The following TECPR2 variants were observed in gnomAD, a reference collection of about 807,000 sequenced individuals.
The protein encoded by TECPR2 is tectonin beta-propeller repeat-containing protein 2.
Under a neutral mutation model 138.1 loss-of-function variants are expected in TECPR2, and 65 were observed. The observed-to-expected ratio is 0.47, with a 90% CI of 0.39 to 0.58. The LOEUF (loss-of-function observed/expected upper bound fraction) is 0.58. Among genes scored for constraint, TECPR2 ranks in the 20% least tolerant of loss-of-function variants. TECPR2 has a pLI of 0.00. For missense variants in TECPR2, 1,553 were observed against 1,824.5 expected, an observed-to-expected ratio of 0.85 and a Z score of 2.71; for synonymous variants, 746 against 749.8, an observed-to-expected ratio of 0.99 and a Z score of 0.08.
At chr14:102,455,921 C>G (rs1890267547) in intron 16 of TECPR2, among the ~76,000 whole-genome samples, 1 of 152,048 alleles carries the variant, frequency 6.6e-6, no homozygotes, top group South Asian at 2.1e-4. Flanking sequence ...TCCCTGCTAA[C>G]TTTTGTATTT....
intron 2 of TECPR2, among the ~76,000 whole-genome samples, chr14:102,404,345 C>T (rs1888589763): frequency 6.6e-6 from 1 of 152,076 alleles, no homozygotes; most frequent in African/African-American, 2.4e-5. Flanking sequence ...CATATGGGAT[C>T]TCAGGAGAAC....
At chr14:102,432,184 T>G in intron 8 of TECPR2, 56 bp downstream of exon 8, 1 of 1,423,160 alleles carries the variant, frequency 7.0e-7, no homozygotes, top group Non-Finnish European at 9.2e-7. Flanking sequence ...CCAGATTCTC[T>G]GGGAGTGCTG....
Position 102,428,296 on chromosome 14 carries a change from C to T in TECPR2, c.998C>T (p.Ser333Leu), listed in dbSNP as rs1374799971. ...LEGSGDIVSV[S>L]CTENEIFFLK... is the part of the protein sequence containing the mutation. Reference sequence around the variant, plus strand: ...GGATCCGGTGATATTGTGTCTGTTTCGTGCACAGAAAATGAAATATTTTTC... The same window carrying T: ...GGATCCGGTGATATTGTGTCTGTTTTGTGCACAGAAAATGAAATATTTTTC... The change falls in exon 7 of 20, where the codon TCG becomes TTG. Residue 333 changes from serine (S) to leucine (L), a missense_variant. By Grantham distance (145) the Ser-to-Leu change is moderately radical. Coordinates refer to ENST00000359520, the MANE Select transcript of TECPR2 (RefSeq NM_014844.5). 2 of 1,537,564 alleles carry T rather than the reference C, an allele frequency of 1.3e-6. No homozygotes were observed. Among genetic ancestry groups the T allele is most frequent in the Middle Eastern group, 1.8e-4 (1 of 5,552 alleles).
In TECPR2 at chr14:102,408,706, GT is replaced by G; in HGVS notation, c.480+88del. 3.0e-6 allele frequency: 4 copies of G among 1,353,356 alleles called. No individual in the cohort carries two copies. In the South Asian group the frequency reaches 6.0e-5, roughly 20 times the overall value. The allele number at this position is 1,353,356 out of a possible 1,614,324, so 83.8% of individuals were successfully genotyped here. On this transcript the variant is annotated intron_variant, in intron 4 of 19. Transcript: ENST00000359520. ...TATAACTTGTATTTTTAGTCAACTT[GT>G]ATTCTTGATCATCATCCCTTTATAA...
chr14:102,452,769 G>A (rs1890180165), intron 16 of TECPR2, 142 bp downstream of exon 16: 1 of 672,190 alleles, frequency 1.5e-6, no homozygotes, highest in Admixed American at 2.6e-5. Context: ...TGAATTTCAG[G>A]AGCTCAGTTG....
At position 102,452,481 on chromosome 14, in the gene TECPR2, T is replaced by C; in HGVS notation, c.3494T>C (p.Leu1165Pro). Reference sequence around the variant, plus strand: ...CAGTCGCGGCCCTCCACGGTGCAGCTGCCTCCCGAAGCCGAGATGCGCGCC... The same window carrying C: ...CAGTCGCGGCCCTCCACGGTGCAGCCGCCTCCCGAAGCCGAGATGCGCGCC... ...SAQSRPSTVQ[L>P]PPEAEMRAYA... The change falls in exon 16 of 20, where the codon CTG becomes CCG. Residue 1165 changes from leucine to proline, a missense_variant. Physicochemically the swap from Leu to Pro is moderately conservative, Grantham distance 98. Coordinates refer to ENST00000359520, the MANE Select transcript of TECPR2 (RefSeq NM_014844.5). 2 of 1,613,584 alleles carry C rather than the reference T, an allele frequency of 1.2e-6. No homozygotes were observed.
intron 17 of TECPR2, among the ~76,000 whole-genome samples, chr14:102,490,788 G>A (rs771792104): frequency 3.3e-5 from 5 of 152,190 alleles, no homozygotes; most frequent in African/African-American, 7.2e-5. Flanking sequence ...ACCAGCGTCC[G>A]GAACGGGGTT....
chr14:102,489,770 CCT>C (rs1212527788), intron 17 of TECPR2, among the ~76,000 whole-genome samples: 2 of 151,886 alleles, frequency 1.3e-5, no homozygotes, highest in East Asian at 3.9e-4. Flanking sequence ...TCTGACAGCC[CCT>C]GAGTGTGTCT....
intron 2 of TECPR2, among the ~76,000 whole-genome samples, chr14:102,394,692 A>T (rs1205046802): frequency 1.3e-5 from 2 of 152,186 alleles, no homozygotes. Context: ...TCCCTTATAG[A>T]AAGCTGTTTG....
chr14:102,400,209 C>A (rs1888439091), intron 2 of TECPR2, among the ~76,000 whole-genome samples: 1 of 151,986 alleles, frequency 6.6e-6, no homozygotes, highest in Non-Finnish European at 1.5e-5. Flanking sequence ...CCACACCCAG[C>A]TAATTTTTGT....
At position 102,382,616 on chromosome 14, in the gene TECPR2, A is replaced by G. The variant is rs1597772233; in HGVS notation, c.219+5676A>G. Among the ~76,000 whole-genome samples the G allele has an allele frequency of 3.3e-5, 5 of 152,364 alleles. No homozygotes were observed. The East Asian group carries it at 9.6e-4, about 29-fold the overall frequency. ...CTGAATATACATTCTTTGCAAGTGC[A>G]CATGGAACATTCATCAATATAGACC... On this transcript the variant is annotated intron_variant, in intron 2 of 19. Coordinates refer to ENST00000359520, the MANE Select transcript of TECPR2 (RefSeq NM_014844.5).
In TECPR2 at chr14:102,434,773, C is replaced by T. The variant is rs763758324; in HGVS notation, c.1956C>T (p.Ser652=). 1.9e-6 allele frequency: 3 copies of T among 1,613,316 alleles called. No homozygotes were observed. Among genetic ancestry groups the T allele is most frequent in the East Asian group, 2.2e-5 (1 of 44,888 alleles). The change falls in exon 9 of 20, where the codon TCC becomes TCT. Residue 652 remains serine (S), a synonymous_variant. Coordinates refer to ENST00000359520, the MANE Select transcript of TECPR2 (RefSeq NM_014844.5). Reference sequence around the variant, plus strand: ...TCCTGAACTCACTCACTGTGCCTTCCAGCCTCAGCTGGGCCCCAAGTGCTG... The same window carrying T: ...TCCTGAACTCACTCACTGTGCCTTCTAGCCTCAGCTGGGCCCCAAGTGCTG... The part of the protein sequence containing the change: ...VPLLNSLTVP[S]SLSWAPSAEQ...
chr14:102,398,072 C>CAAAAAAAAAAAAAAA (rs560266373), intron 2 of TECPR2, among the ~76,000 whole-genome samples: 3 of 45,756 alleles, frequency 6.6e-5, no homozygotes, highest in Non-Finnish European at 9.3e-5. Context: ...GATTCTGTCT[C>CAAAAAAAAAAAAAAA]AAAAAAAAAA....
At chr14:102,381,655 A>G (rs1024541628) in intron 2 of TECPR2, among the ~76,000 whole-genome samples, 1 of 152,230 alleles carries the variant, frequency 6.6e-6, no homozygotes, top group African/African-American at 2.4e-5. Flanking sequence ...AGGTGAAATG[A>G]AAGTATTACC....
intron 16 of TECPR2, among the ~76,000 whole-genome samples, chr14:102,462,776 A>G (rs1890438307): frequency 6.6e-6 from 1 of 152,224 alleles, no homozygotes; most frequent in South Asian, 2.1e-4. Flanking sequence ...AAAATGAAAA[A>G]GCAAACCACA....
chr14:102,363,455 G>A (rs1206670320), intron 1 of TECPR2, among the ~76,000 whole-genome samples: 1 of 152,154 alleles, frequency 6.6e-6, no homozygotes, highest in Admixed American at 6.5e-5. Context: ...TCTGGCCGCG[G>A]GCTCTGCTCC....
chr14:102,384,816 A>G (rs975444026), intron 2 of TECPR2, among the ~76,000 whole-genome samples: 5 of 148,386 alleles, frequency 3.4e-5, no homozygotes, highest in African/African-American at 1.2e-4. Context: ...ACAGGAACCA[A>G]GGATGCCAGA....
At chr14:102,460,570 C>T (rs1368331453) in intron 16 of TECPR2, among the ~76,000 whole-genome samples, 1 of 146,458 alleles carries the variant, frequency 6.8e-6, no homozygotes, top group African/African-American at 2.5e-5. Flanking sequence ...GCCGAGATCA[C>T]GCCACTACAC....
chr14:102,431,631 C>T (rs111755643), intron 7 of TECPR2, among the ~76,000 whole-genome samples, 165 bp from the exon 8 acceptor site: 25 of 152,280 alleles, frequency 1.6e-4, no homozygotes, highest in Admixed American at 1.5e-3. Flanking sequence ...CGTGAGTCAC[C>T]GTGCCCATCC....
Sources: gnomAD v4.1 joint callset for allele counts (sites outside exome capture counted in the v4.1 genomes callset) on GRCh38, gnomAD v4.1.1 for gene constraint, MANE v1.5 for transcripts, NCBI Gene and HGNC (gene_info 2026-07-23, HGNC 2026-07-21) for gene names.